Variants in CRIM1 observed in about 807,000 individuals in gnomAD.
CRIM1 encodes cysteine rich transmembrane BMP regulator 1, also known as cysteine-rich motor neuron 1 protein.
Under a neutral mutation model 116.4 loss-of-function variants are expected in CRIM1, and 32 were observed. That is an observed-to-expected ratio of 0.27 (90% CI 0.21 to 0.37). The LOEUF is 0.37. CRIM1 is among the 10% of genes least tolerant of loss of function. CRIM1 has a pLI of 1.00. For missense variants in CRIM1, 1,331 were observed against 1,354.8 expected (o/e 0.98, Z 0.28); for synonymous variants, 590 against 509.2 (o/e 1.16, Z -2.13).
At chr2:36,466,488 T>C (rs1204262141) in intron 5 of CRIM1, among the ~76,000 whole-genome samples, 2 of 152,216 alleles carry the variant, frequency 1.3e-5, no homozygotes, top group Non-Finnish European at 1.5e-5. Flanking sequence ...TGAATACTTG[T>C]ACCACTGGAG....
intron 12 of CRIM1, among the ~76,000 whole-genome samples, chr2:36,519,102 GGATCT>G (rs1665207746): frequency 1.3e-5 from 1 of 78,186 alleles, no homozygotes; most frequent in Non-Finnish European, 3.3e-5. Context: ...ATTTGTGTTA[GGATCT>G]GAGTGATGAA....
Position 36,499,350 on chromosome 2 carries a change from G to C in CRIM1, c.1501+3G>C. On this transcript the variant is annotated splice_donor_region_variant and intron_variant, in intron 8 of 16. Transcript: ENST00000280527. The stretch of plus-strand genomic sequence containing the variant: ...TCGGACCTGTCAGTGCATAAACAGT[G>C]AGTAGACAGAAGACTGTATGTTTTT... 6.2e-7 allele frequency: 1 copy of C among 1,613,842 alleles called. No individual in the cohort carries two copies. Among genetic ancestry groups the C allele is most frequent in the Non-Finnish European group, 8.5e-7 (1 of 1,179,834 alleles).
At chr2:36,431,274 T>A (rs894888897) in intron 2 of CRIM1, among the ~76,000 whole-genome samples, 3 of 152,206 alleles carry the variant, frequency 2.0e-5, no homozygotes, top group African/African-American at 7.2e-5. Context: ...TATGAAATGT[T>A]TTTATACTTA....
chr2:36,365,742 T>G (rs1171634243), intron 1 of CRIM1, among the ~76,000 whole-genome samples: 1 of 151,356 alleles, frequency 6.6e-6, no homozygotes, highest in African/African-American at 2.4e-5. Flanking sequence ...TTGTGTTTTT[T>G]TTTTTTTTTT....
chr2:36,436,720 G>A (rs192490297), intron 2 of CRIM1, among the ~76,000 whole-genome samples: 109 of 152,124 alleles, frequency 7.2e-4, no homozygotes, highest in Middle Eastern at 3.4e-3. Flanking sequence ...ATACACACAC[G>A]TGCTAAAAAC....
intron 1 of CRIM1, among the ~76,000 whole-genome samples, chr2:36,358,049 T>C (rs999253491): frequency 6.6e-6 from 1 of 152,138 alleles, no homozygotes; most frequent in Non-Finnish European, 1.5e-5. Context: ...GTTTGGAAGC[T>C]AGTGGGCAGT....
intron 4 of CRIM1, among the ~76,000 whole-genome samples, chr2:36,459,513 G>C (rs2124994314): frequency 6.6e-6 from 1 of 152,230 alleles, no homozygotes; most frequent in African/African-American, 2.4e-5. Context: ...CCCTGCACTA[G>C]AGGAATTCAC....
chr2:36,358,311 C>T (rs1380616986), intron 1 of CRIM1, among the ~76,000 whole-genome samples: 1 of 152,210 alleles, frequency 6.6e-6, no homozygotes, highest in Non-Finnish European at 1.5e-5. Flanking sequence ...CATCTTTGAA[C>T]CCTGCCGCTT....
chr2:36,412,039 G>A (rs370019572), intron 2 of CRIM1, among the ~76,000 whole-genome samples: 12 of 152,156 alleles, frequency 7.9e-5, no homozygotes, highest in African/African-American at 2.9e-4. Context: ...AAGGAAATAT[G>A]AGAGATAAAG....
chr2:36,395,624 CT>C (rs1671967166), intron 1 of CRIM1, among the ~76,000 whole-genome samples: 2 of 152,282 alleles, frequency 1.3e-5, no homozygotes, highest in South Asian at 4.1e-4. Context: ...CATGATAGCT[CT>C]TTTTAAAATC....
chr2:36,483,735 A>G (rs922631481), intron 7 of CRIM1, among the ~76,000 whole-genome samples: 1 of 152,222 alleles, frequency 6.6e-6, no homozygotes, highest in African/African-American at 2.4e-5. Flanking sequence ...AAATGAGTAA[A>G]TAATAAGTGA....
At chr2:36,492,715 A>G (rs1680314662) in intron 7 of CRIM1, among the ~76,000 whole-genome samples, 1 of 152,160 alleles carries the variant, frequency 6.6e-6, no homozygotes. Flanking sequence ...CCTTATCTCC[A>G]GTTTTATGGC....
intron 2 of CRIM1, among the ~76,000 whole-genome samples, chr2:36,409,034 A>G (rs1263811805): frequency 1.3e-5 from 2 of 152,086 alleles, no homozygotes; most frequent in Non-Finnish European, 2.9e-5. Flanking sequence ...AGCTCTTTTA[A>G]ATAAAGAGAG....
intron 1 of CRIM1, among the ~76,000 whole-genome samples, chr2:36,370,679 G>C (rs1669886208): frequency 6.6e-6 from 1 of 151,786 alleles, no homozygotes; most frequent in Non-Finnish European, 1.5e-5. Flanking sequence ...AGAAATGCTT[G>C]AGTGATAATA....
At chr2:36,439,046 A>G (rs1675564381) in intron 2 of CRIM1, among the ~76,000 whole-genome samples, 1 of 152,202 alleles carries the variant, frequency 6.6e-6, no homozygotes, top group East Asian at 1.9e-4. Flanking sequence ...CTTATTGGAT[A>G]TTGGCATGTG....
chr2:36,482,362 G>C (rs1679486376), intron 7 of CRIM1, among the ~76,000 whole-genome samples: 1 of 152,098 alleles, frequency 6.6e-6, no homozygotes. Context: ...TTAAAAAACA[G>C]TGCACAGCTT....
chr2:36,414,509 G>A (rs1320252700), intron 2 of CRIM1, among the ~76,000 whole-genome samples: 3 of 152,064 alleles, frequency 2.0e-5, no homozygotes, highest in Non-Finnish European at 4.4e-5. Flanking sequence ...GTCCCCCCCC[G>A]AGCTTTCAGT....
At chr2:36,416,404 A>T (rs1463337766) in intron 2 of CRIM1, among the ~76,000 whole-genome samples, 1 of 152,178 alleles carries the variant, frequency 6.6e-6, no homozygotes, top group African/African-American at 2.4e-5. Flanking sequence ...GTAGCATGTG[A>T]AGTTAAGACT....
intron 14 of CRIM1, among the ~76,000 whole-genome samples, chr2:36,538,925 T>C (rs1666750126): frequency 6.6e-6 from 1 of 152,258 alleles, no homozygotes; most frequent in African/African-American, 2.4e-5. Context: ...ATATAAATGA[T>C]GAAACTTGAC....
Sources: gnomAD v4.1 joint callset for allele counts (sites outside exome capture counted in the v4.1 genomes callset) on GRCh38, gnomAD v4.1.1 for gene constraint, MANE v1.5 for transcripts, NCBI Gene and HGNC (gene_info 2026-07-23, HGNC 2026-07-21) for gene names.